PIK3R5: variants seen among roughly 807,000 people sequenced by gnomAD.
The protein encoded by PIK3R5 is phosphoinositide 3-kinase regulatory subunit 5.
Under a neutral mutation model 94.9 loss-of-function variants are expected in PIK3R5, and 32 were observed. The observed-to-expected ratio is 0.34, with a 90% CI of 0.25 to 0.45. The LOEUF (loss-of-function observed/expected upper bound fraction) is 0.45. PIK3R5 is among the 20% of genes least tolerant of loss of function. PIK3R5 has a pLI of 1.00. For synonymous variants in PIK3R5, 443 were observed against 479.4 expected (o/e 0.92, Z 0.99); for missense variants, 853 against 1,144.6 (o/e 0.75, Z 3.68).
rs1489131056 is a variant in PIK3R5 at position 8,881,533 on chromosome 17, ACACACATACATGTG to A, written c.2382+83_2382+96del. On this transcript the variant is annotated intron_variant, in intron 17 of 18. Transcript: ENST00000447110. This position sits in a 1 kb window ranked among gnomAD's most constrained non-coding sequence, Gnocchi z 4.8. The stretch of plus-strand genomic sequence containing the variant: ...CACGGGTGTGTATGTGCACACATGC[ACACACATACATGTG>A]CACACACACGTACACACATACGCAC... The A allele has an allele frequency of 1.1e-6, 1 of 938,786 alleles. No individual in the cohort carries two copies. Among genetic ancestry groups the A allele is most frequent in the African/African-American group, 1.6e-5 (1 of 61,356 alleles). The allele number at this position is 938,786 out of a possible 1,614,324, so 58.2% of individuals were successfully genotyped here. A position where few individuals can be genotyped will look rare whatever the true frequency, so the allele number is the denominator to read the frequency against.
At chr17:8,906,181 G>T (rs985682322) in intron 3 of PIK3R5, among the ~76,000 whole-genome samples, 3 of 151,996 alleles carry the variant, frequency 2.0e-5, no homozygotes, top group Non-Finnish European at 2.9e-5. Flanking sequence ...ACAGGCCCCG[G>T]TGTGTGATGT....
chr17:8,888,642 C>A lies in PIK3R5; in HGVS notation c.1145G>T (p.Gly382Val). 6.2e-7 allele frequency: 1 copy of A among 1,613,622 alleles called. No individual in the cohort carries two copies. Among genetic ancestry groups the A allele is most frequent in the Non-Finnish European group, 8.5e-7 (1 of 1,179,830 alleles). ...SRHLLTSFVS[G>V]LSDGMDSGYV... is the part of the protein sequence containing the mutation. ...GCCGCTGTCCATGCCATCAGAGAGG[C>A]CTGAGACAAAGGAAGTCAGCAGATG... The change falls in exon 10 of 19, where the codon GGC (glycine) becomes GTC (valine). Residue 382 changes from glycine (G) to valine (V), a missense_variant. By Grantham distance (109) the Gly-to-Val change is moderately radical. This residue lies in a region of PIK3R5 where 319 missense variants were observed against 339.8 expected (regional missense o/e 0.94). Coordinates refer to ENST00000447110, the MANE Select transcript of PIK3R5 (RefSeq NM_001142633.3). The surrounding 1 kb of genome is among the most constrained non-coding windows in gnomAD (Gnocchi z 7.8).
chr17:8,903,856 G>T (rs1430582516), intron 5 of PIK3R5, among the ~76,000 whole-genome samples: 1 of 152,122 alleles, frequency 6.6e-6, no homozygotes. Context: ...AATTGTTTGA[G>T]CTCCAACTAA....
rs78962828 is a variant in PIK3R5 at position 8,900,245 on chromosome 17, T to C, written c.412+4532A>G. On this transcript the variant is annotated intron_variant, in intron 5 of 18. Transcript: ENST00000447110. ...GTTATGGTTTTATTCCCCTCTGTGA[T>C]GTTAACTATTTGGTATCTAACTTTG... Among the ~76,000 whole-genome samples the C allele has an allele frequency of 2.6e-4, 40 of 152,344 alleles. No homozygotes were observed. The East Asian group carries it at 6.9e-3, about 26-fold the overall frequency.
rs2090042003 is a variant in PIK3R5 at position 8,892,130 on chromosome 17, T to C, written c.483-1218A>G. Among the ~76,000 whole-genome samples, 1 of 152,296 alleles carries C rather than the reference T, an allele frequency of 6.6e-6. No individual in the cohort carries two copies. The highest frequency in any genetic ancestry group is 2.4e-5 in the African/African-American group (1 of 41,556). ...AGCTCTTGCTCTCTCAATTCCACACTGCGTTTAAACCCAGTGCAAAGGAGC... is the reference window on the plus strand; with the variant it reads ...AGCTCTTGCTCTCTCAATTCCACACCGCGTTTAAACCCAGTGCAAAGGAGC... On this transcript the variant is annotated intron_variant, in intron 6 of 18. Coordinates refer to ENST00000447110, the MANE Select transcript of PIK3R5 (RefSeq NM_001142633.3). This position sits in a 1 kb window ranked among gnomAD's most constrained non-coding sequence, Gnocchi z 4.3.
chr17:8,917,980 A>G (rs994390358), intron 1 of PIK3R5, among the ~76,000 whole-genome samples: 3 of 152,252 alleles, frequency 2.0e-5, no homozygotes, highest in African/African-American at 7.2e-5. Context: ...TGACAAATAA[A>G]GAAGGGGGAA....
At chr17:8,963,921 C>G (rs906422611) in intron 1 of PIK3R5, among the ~76,000 whole-genome samples, 4 of 152,144 alleles carry the variant, frequency 2.6e-5, no homozygotes, top group African/African-American at 7.2e-5. Flanking sequence ...GGAGGGAGCC[C>G]TGAAGCAAGA....
At chr17:8,885,606 T>C (rs1279121841) in intron 14 of PIK3R5, among the ~76,000 whole-genome samples, 2 of 34,406 alleles carry the variant, frequency 5.8e-5, no homozygotes, top group African/African-American at 1.3e-4. Context: ...CCCTGCCTCC[T>C]AGGTAACCCC....
In PIK3R5 at chr17:8,904,289, C is replaced by T. The variant is rs1416459346; in HGVS notation, c.412+488G>A. Among the ~76,000 whole-genome samples the T allele has an allele frequency of 1.3e-5, 2 of 152,138 alleles. No homozygotes were observed. The highest frequency in any genetic ancestry group is 2.4e-5 in the African/African-American group (1 of 41,408). The stretch of plus-strand genomic sequence containing the variant: ...GACCCCACACATGAAAACTGAGTCC[C>T]GGGTCTTGTCCACATTTGTCACAGT... On this transcript the variant is annotated intron_variant, in intron 5 of 18. Transcript: ENST00000447110. The surrounding 1 kb of genome is among the most constrained non-coding windows in gnomAD (Gnocchi z 5.1).
rs1567643296 is a variant in PIK3R5 at position 8,899,197 on chromosome 17, G to A, written c.413-5542C>T. On this transcript the variant is annotated intron_variant, in intron 5 of 18. Coordinates refer to ENST00000447110, the MANE Select transcript of PIK3R5 (RefSeq NM_001142633.3). The stretch of plus-strand genomic sequence containing the variant: ...TACCTCCAGAATTGAGGCACTGGGC[G>A]ATCATACGGGGGTGGAGTCAGGAAG... 2.0e-5 allele frequency among the ~76,000 whole-genome samples: 3 copies of A among 152,248 alleles called. No homozygotes were observed. In the South Asian group the frequency reaches 6.2e-4, roughly 31 times the overall value.
chr17:8,961,752 C>G (rs949805307), intron 1 of PIK3R5, among the ~76,000 whole-genome samples: 4 of 152,130 alleles, frequency 2.6e-5, no homozygotes, highest in Admixed American at 1.3e-4. Context: ...CTGTGGATGC[C>G]GAACTCTAGG....
rs146047228 is a variant in PIK3R5 at position 8,880,626 on chromosome 17, C to G, written c.*13G>C. On this transcript the variant is annotated 3_prime_UTR_variant, in exon 19 of 19. Coordinates refer to ENST00000447110, the MANE Select transcript of PIK3R5 (RefSeq NM_001142633.3). The stretch of plus-strand genomic sequence containing the variant: ...GCCCCAGGGCTTCTGTCCAGTCTGG[C>G]GCTGGGCCCACACTAGGGCAGAGCT... 8 of 1,593,140 alleles carry G rather than the reference C, an allele frequency of 5.0e-6. No homozygotes were observed. Among genetic ancestry groups the G allele is most frequent in the East Asian group, 4.5e-5 (2 of 44,646 alleles).
rs549547784 is a variant in PIK3R5 at position 8,928,881 on chromosome 17, T to C, written c.-13-17374A>G. Among the ~76,000 whole-genome samples, 7 of 152,266 alleles carry C rather than the reference T, an allele frequency of 4.6e-5. No homozygotes were observed. In the South Asian group the frequency reaches 1.2e-3, roughly 27 times the overall value. On this transcript the variant is annotated intron_variant, in intron 1 of 18. Transcript: ENST00000447110. ...ATTTTCCTTCTCCTCTTGAGTTTTCTAAGTTATCTTAGATGGCTGAATAAA... is the reference window on the plus strand; with the variant it reads ...ATTTTCCTTCTCCTCTTGAGTTTTCCAAGTTATCTTAGATGGCTGAATAAA...
rs373005932 is a variant in PIK3R5, at chr17:8,881,424, G to C, written c.2382+206C>G. 2.1e-4 allele frequency among the ~76,000 whole-genome samples: 32 copies of C among 151,710 alleles called. No individual in the cohort carries two copies. The East Asian group carries it at 5.1e-3, about 24-fold the overall frequency. Reference sequence around the variant, plus strand: ...CGACACCCCGCAACACTCCACACCTGTGTGCATCCCCAAATCATACCCCTC... The same window carrying C: ...CGACACCCCGCAACACTCCACACCTCTGTGCATCCCCAAATCATACCCCTC... On this transcript the variant is annotated intron_variant, in intron 17 of 18. Coordinates refer to ENST00000447110, the MANE Select transcript of PIK3R5 (RefSeq NM_001142633.3). The surrounding 1 kb of genome is among the most constrained non-coding windows in gnomAD (Gnocchi z 4.8).
At position 8,935,021 on chromosome 17, in the gene PIK3R5, T is replaced by C. The variant is rs928332739; in HGVS notation, c.-13-23514A>G. Among the ~76,000 whole-genome samples, 38 of 152,198 alleles carry C rather than the reference T, an allele frequency of 2.5e-4. No homozygotes were observed. Among genetic ancestry groups the C allele is most frequent in the Admixed American group, 2.4e-3 (36 of 15,282 alleles). On this transcript the variant is annotated intron_variant, in intron 1 of 18. Coordinates refer to ENST00000447110, the MANE Select transcript of PIK3R5 (RefSeq NM_001142633.3). The surrounding 1 kb of genome is among the most constrained non-coding windows in gnomAD (Gnocchi z 4.5). ...CTGAAACATTTCCACCATGTTCCCCTGTTTCTGATGTGGATCTTAATATGC... is the reference window on the plus strand; with the variant it reads ...CTGAAACATTTCCACCATGTTCCCCCGTTTCTGATGTGGATCTTAATATGC...
chr17:8,893,368 G>A lies in PIK3R5; in HGVS notation c.482+218C>T, dbSNP rs751221077. 6.6e-6 allele frequency among the ~76,000 whole-genome samples: 1 copy of A among 152,110 alleles called. No individual in the cohort carries two copies. The highest frequency in any genetic ancestry group is 1.5e-5 in the Non-Finnish European group (1 of 68,030). The stretch of plus-strand genomic sequence containing the variant: ...TTGATACAGACCTCTTTAAGAATCT[G>A]GTGAAAGACCGTCAGCCTAGAAAAA... On this transcript the variant is annotated intron_variant, in intron 6 of 18. Coordinates refer to ENST00000447110, the MANE Select transcript of PIK3R5 (RefSeq NM_001142633.3). This position sits in a 1 kb window ranked among gnomAD's most constrained non-coding sequence, Gnocchi z 5.1.
At chr17:8,963,464 C>T (rs2151488751) in intron 1 of PIK3R5, among the ~76,000 whole-genome samples, 1 of 152,280 alleles carries the variant, frequency 6.6e-6, no homozygotes. Flanking sequence ...AACATCAACC[C>T]CAAATGCTCT....
intron 1 of PIK3R5, among the ~76,000 whole-genome samples, chr17:8,951,582 T>C (rs1207806538): frequency 1.3e-5 from 2 of 152,254 alleles, no homozygotes; most frequent in African/African-American, 2.4e-5. Context: ...TTGAACCTCA[T>C]TCCTTTTTAA....
At position 8,922,084 on chromosome 17, in the gene PIK3R5, C is replaced by G. The variant is rs116854238; in HGVS notation, c.-13-10577G>C. Among the ~76,000 whole-genome samples the G allele has an allele frequency of 7.3e-3, 1,103 of 151,608 alleles. 6 individuals carry two copies. The highest frequency in any genetic ancestry group is 9.9e-3 in the Non-Finnish European group (672 of 67,898). On this transcript the variant is annotated intron_variant, in intron 1 of 18. Transcript: ENST00000447110. ...TGTATAACTCAACAACAAAAACAAA[C>G]CACCCGATTTGTTCATTCTCCATGA...
Sources: gnomAD v4.1 joint callset for allele counts (sites outside exome capture counted in the v4.1 genomes callset) on GRCh38, gnomAD v4.1.1 for gene constraint, gnomAD v4.1.1 regional missense constraint, Gnocchi (gnomAD v3.1) non-coding constraint, MANE v1.5 for transcripts, NCBI Gene and HGNC (gene_info 2026-07-23, HGNC 2026-07-21) for gene names.